The following KDM4C variants were observed in gnomAD, a reference collection of about 807,000 sequenced individuals.
KDM4C encodes lysine demethylase 4C.
Under a neutral mutation model 129.3 loss-of-function variants are expected in KDM4C, and 81 were observed. The observed-to-expected ratio is 0.63, with a 90% confidence interval of 0.52 to 0.75. KDM4C has a LOEUF of 0.75. KDM4C is among the 30% of genes least tolerant of loss of function. The probability of loss-of-function intolerance (pLI) is 0.00; values close to 1 mark genes in which losing one functional copy is unlikely to be tolerated. For missense variants in KDM4C, 1,457 were observed against 1,304.0 expected, an observed-to-expected ratio of 1.12 and a Z score of -1.81; for synonymous variants, 573 against 456.1, an observed-to-expected ratio of 1.26 and a Z score of -3.26.
At chr9:7,080,059 C>G (rs1834357231) in intron 17 of KDM4C, among the ~76,000 whole-genome samples, 1 of 152,068 alleles carries the variant, frequency 6.6e-6, no homozygotes, top group African/African-American at 2.4e-5. Flanking sequence ...GGCACTTCAT[C>G]TAGGCCATGG....
At chr9:6,771,953 GC>G (rs938584258) in intron 1 of KDM4C, among the ~76,000 whole-genome samples, 2 of 152,112 alleles carry the variant, frequency 1.3e-5, no homozygotes, top group Non-Finnish European at 1.5e-5. Context: ...CCCCATTCCA[GC>G]CCCCCTGAGG....
chr9:7,101,585 C>G (rs1332437336), intron 17 of KDM4C, among the ~76,000 whole-genome samples: 1 of 152,182 alleles, frequency 6.6e-6, no homozygotes, highest in East Asian at 1.9e-4. Context: ...TTAGAAGTCC[C>G]CACTTCTGGT....
intron 15 of KDM4C, among the ~76,000 whole-genome samples, chr9:7,030,398 T>C (rs989559153): frequency 3.3e-5 from 5 of 152,196 alleles, no homozygotes; most frequent in Non-Finnish European, 7.3e-5. Context: ...ATATATGTCA[T>C]TATACTTTTG....
intron 4 of KDM4C, among the ~76,000 whole-genome samples, chr9:6,823,604 C>T (rs542927436): frequency 1.3e-5 from 2 of 152,342 alleles, no homozygotes; most frequent in South Asian, 2.1e-4. Context: ...AATCACGTTG[C>T]TCCTTCGTTG....
At chr9:7,040,434 T>C (rs1038859851) in intron 15 of KDM4C, among the ~76,000 whole-genome samples, 8 of 150,970 alleles carry the variant, frequency 5.3e-5, no homozygotes, top group African/African-American at 1.9e-4. Context: ...TGTCTGTTTG[T>C]TGAAGATACT....
At chr9:7,103,966 T>A in intron 18 of KDM4C, 96 bp downstream of exon 18, 1 of 1,086,336 alleles carries the variant, frequency 9.2e-7, no homozygotes, top group Non-Finnish European at 1.4e-6. Context: ...TATTCTGTAA[T>A]ATGACTCATT....
chr9:6,906,040 C>G (rs1389766741), intron 8 of KDM4C, among the ~76,000 whole-genome samples: 2 of 151,808 alleles, frequency 1.3e-5, no homozygotes, highest in Non-Finnish European at 2.9e-5. Context: ...AGCTACTTAC[C>G]GAGAAAATTG....
At chr9:6,845,102 C>G (rs184920662) in intron 4 of KDM4C, among the ~76,000 whole-genome samples, 8 of 152,332 alleles carry the variant, frequency 5.3e-5, no homozygotes, top group African/African-American at 1.9e-4. Flanking sequence ...CTCAAGGTTT[C>G]TAACATGGCA....
At chr9:7,101,214 C>G (rs914902666) in intron 17 of KDM4C, among the ~76,000 whole-genome samples, 1 of 152,166 alleles carries the variant, frequency 6.6e-6, no homozygotes, top group Non-Finnish European at 1.5e-5. Flanking sequence ...TCGTTCACTT[C>G]TTTCATAGCA....
intron 2 of KDM4C, among the ~76,000 whole-genome samples, chr9:6,803,245 A>G (rs1467395980): frequency 6.6e-6 from 1 of 152,090 alleles, no homozygotes; most frequent in East Asian, 1.9e-4. Context: ...TGCATTTTCT[A>G]CATGTGTGCT....
At chr9:6,870,156 C>T (rs764293147) in intron 5 of KDM4C, among the ~76,000 whole-genome samples, 3 of 152,096 alleles carry the variant, frequency 2.0e-5, no homozygotes, top group East Asian at 3.9e-4. Flanking sequence ...AACAAGAACT[C>T]CCTTGCATCC....
At chr9:6,860,596 T>G (rs957691838) in intron 5 of KDM4C, among the ~76,000 whole-genome samples, 1 of 152,186 alleles carries the variant, frequency 6.6e-6, no homozygotes, top group Admixed American at 6.5e-5. Flanking sequence ...CCTTCACATA[T>G]GCCTGCAATC....
chr9:7,056,246 A>G (rs1033711203), intron 17 of KDM4C, among the ~76,000 whole-genome samples: 4 of 152,214 alleles, frequency 2.6e-5, no homozygotes, highest in Admixed American at 2.0e-4. Context: ...CTTATTATTT[A>G]ACACGGCCAG....
At chr9:6,807,703 A>T (rs1439831482) in intron 3 of KDM4C, among the ~76,000 whole-genome samples, 1 of 144,136 alleles carries the variant, frequency 6.9e-6, no homozygotes, top group East Asian at 2.2e-4. Context: ...CCCGTCTGAG[A>T]AGTGAGGAGC....
chr9:7,023,053 A>G (rs1210256705), intron 15 of KDM4C, among the ~76,000 whole-genome samples: 1 of 152,116 alleles, frequency 6.6e-6, no homozygotes, highest in Non-Finnish European at 1.5e-5. Flanking sequence ...GTTTGCTAGT[A>G]TTTTGTTGAA....
chr9:7,026,681 C>CTCA (rs1825870687), intron 15 of KDM4C, among the ~76,000 whole-genome samples: 1 of 152,102 alleles, frequency 6.6e-6, no homozygotes, highest in African/African-American at 2.4e-5. Context: ...ACTTTCTACC[C>CTCA]TCATCTGTTT....
At chr9:7,132,530 ACTC>A (rs1840754125) in intron 19 of KDM4C, among the ~76,000 whole-genome samples, 1 of 151,978 alleles carries the variant, frequency 6.6e-6, no homozygotes, top group Non-Finnish European at 1.5e-5. Context: ...GCCCAGTTAA[ACTC>A]CACATGCAAT....
intron 19 of KDM4C, among the ~76,000 whole-genome samples, chr9:7,133,466 G>A (rs1386195026): frequency 6.6e-6 from 1 of 152,112 alleles, no homozygotes; most frequent in African/African-American, 2.4e-5. Context: ...TTTTTTCAGT[G>A]TTATTTCAGT....
chr9:7,049,965 G>A (rs916280022), intron 17 of KDM4C, among the ~76,000 whole-genome samples: 3 of 152,048 alleles, frequency 2.0e-5, no homozygotes, highest in African/African-American at 7.2e-5. Flanking sequence ...TTCCTGAGTC[G>A]TTGTTATTTT....
Sources: gnomAD v4.1 joint callset for allele counts (sites outside exome capture counted in the v4.1 genomes callset) on GRCh38, gnomAD v4.1.1 for gene constraint, MANE v1.5 for transcripts, NCBI Gene and HGNC (gene_info 2026-07-23, HGNC 2026-07-21) for gene names.